HNF4G: variants seen among roughly 807,000 people sequenced by gnomAD.
HNF4G encodes the protein hepatocyte nuclear factor 4-gamma.
In HNF4G, 21 loss-of-function variants were observed where a neutral mutation model predicts 50.9. That is an observed-to-expected ratio of 0.41 (90% CI 0.29 to 0.59). HNF4G has a LOEUF of 0.59. HNF4G is among the 20% of genes least tolerant of loss of function. The pLI, the probability that HNF4G is intolerant of heterozygous loss-of-function variation, is 0.26. For missense variants in HNF4G, 527 were observed against 559.4 expected, an observed-to-expected ratio of 0.94 and a Z score of 0.58; for synonymous variants, 198 against 185.6, an observed-to-expected ratio of 1.07 and a Z score of -0.54.
intron 2 of HNF4G, among the ~76,000 whole-genome samples, chr8:75,494,061 A>G (rs951554762): frequency 2.6e-5 from 4 of 152,182 alleles, no homozygotes; most frequent in African/African-American, 9.7e-5. Flanking sequence ...AGGAAAGCTG[A>G]ATGATTATAA....
intron 2 of HNF4G, among the ~76,000 whole-genome samples, chr8:75,546,777 AGGCATTT>A (rs1806792874): frequency 2.0e-5 from 3 of 152,174 alleles, no homozygotes; most frequent in South Asian, 4.1e-4. Context: ...ATCAGTTGAT[AGGCATTT>A]GGATATATCT....
chr8:75,560,497 T>A, intron 9 of HNF4G, 31 bp downstream of exon 9: 1 of 1,585,402 alleles, frequency 6.3e-7, no homozygotes. Flanking sequence ...TCAACCAAGA[T>A]ATTTCTTAAT....
intron 1 of HNF4G, among the ~76,000 whole-genome samples, chr8:75,454,956 AAC>A (rs1186917179): frequency 6.6e-6 from 1 of 152,192 alleles, no homozygotes; most frequent in African/African-American, 2.4e-5. Flanking sequence ...ACTATATAGA[AAC>A]ACACGTATAT....
intron 3 of HNF4G, 114 bp downstream of exon 3, chr8:75,547,795 A>G (rs1407595238): frequency 1.5e-6 from 1 of 682,120 alleles, no homozygotes; most frequent in East Asian, 2.6e-5. Context: ...CCTCAATATA[A>G]TAAGGAGGAA....
intron 1 of HNF4G, among the ~76,000 whole-genome samples, chr8:75,467,418 T>C (rs1812012367): frequency 6.6e-6 from 1 of 152,086 alleles, no homozygotes; most frequent in African/African-American, 2.4e-5. Context: ...TCCCAACACT[T>C]TGGGAGGCTG....
At chr8:75,485,743 A>G (rs1347233854) in intron 1 of HNF4G, 5 of 152,170 alleles carry the variant, frequency 3.3e-5, no homozygotes, top group Admixed American at 2.0e-4. Context: ...ATCTATCTCT[A>G]TAGATTTCCT....
chr8:75,539,355 C>T (rs1806548711), upstream of HNF4G, among the ~76,000 whole-genome samples: 1 of 152,106 alleles, frequency 6.6e-6, no homozygotes, highest in African/African-American at 2.4e-5. Context: ...AAGGGTTACG[C>T]CTAGGGGGCT....
intron 3 of HNF4G, among the ~76,000 whole-genome samples, chr8:75,550,640 C>T (rs1454769343): frequency 2.0e-5 from 3 of 151,786 alleles, no homozygotes; most frequent in African/African-American, 2.4e-5. Flanking sequence ...TTTTCCCTGT[C>T]ACTCTTCCTT....
chr8:75,465,822 C>T (rs898753634), intron 1 of HNF4G, among the ~76,000 whole-genome samples: 3 of 152,088 alleles, frequency 2.0e-5, no homozygotes, highest in African/African-American at 7.2e-5. Flanking sequence ...ATTGAACTTT[C>T]TTGACTAACT....
intron 1 of HNF4G, among the ~76,000 whole-genome samples, chr8:75,478,786 T>C (rs900851372): frequency 8.5e-5 from 13 of 152,180 alleles, no homozygotes; most frequent in African/African-American, 3.1e-4. Context: ...TCGCGCGATC[T>C]GATCTTTGCT....
At position 75,543,868 on chromosome 8, in the gene HNF4G, G is replaced by T; in HGVS notation, c.176G>T (p.Cys59Phe). Residue 59 changes from cysteine (C) to phenylalanine (F), a missense_variant, in exon 2 of 10, where the codon TGT becomes TTT. Physicochemically the swap from Cys to Phe is radical, Grantham distance 205. Coordinates refer to ENST00000396423, the MANE Select transcript of HNF4G (RefSeq NM_004133.5). ...NTTDNGVNCL[C>F]AICGDRATGK... The stretch of plus-strand genomic sequence containing the variant: ...ACAGACAACGGTGTCAACTGTCTGT[G>T]TGCTATCTGTGGGGACAGAGCAACA... 6.2e-7 allele frequency: 1 copy of T among 1,613,828 alleles called. No individual in the cohort carries two copies. Among genetic ancestry groups the T allele is most frequent in the Non-Finnish European group, 8.5e-7 (1 of 1,179,798 alleles).
chr8:75,417,814 A>C (rs770446387), intron 1 of HNF4G, among the ~76,000 whole-genome samples: 8 of 152,202 alleles, frequency 5.3e-5, no homozygotes, highest in Non-Finnish European at 1.0e-4. Context: ...TGAAATTTTA[A>C]TTGAAACTAA....
intron 2 of HNF4G, among the ~76,000 whole-genome samples, chr8:75,531,133 A>G (rs1806315852): frequency 6.6e-6 from 1 of 152,114 alleles, no homozygotes; most frequent in Non-Finnish European, 1.5e-5. Context: ...AATCGTTACA[A>G]GAACCCTTTG....
chr8:75,514,161 T>C (rs1005291049), intron 2 of HNF4G, among the ~76,000 whole-genome samples: 2 of 151,976 alleles, frequency 1.3e-5, no homozygotes, highest in African/African-American at 2.4e-5. Context: ...TGAGTAGTTT[T>C]ACTTTCCATT....
chr8:75,479,349 T>A (rs16939078), intron 1 of HNF4G, among the ~76,000 whole-genome samples: 54,113 of 152,070 alleles, frequency 0.36, 10,865 homozygotes, highest in African/African-American at 0.56. Context: ...GATAATACGA[T>A]TTTCAAATAC....
At chr8:75,547,748 A>C in intron 3 of HNF4G, 67 bp downstream of exon 3, 6 of 954,930 alleles carry the variant, frequency 6.3e-6, no homozygotes, top group Non-Finnish European at 1.0e-5. Flanking sequence ...ACACATTCTC[A>C]TTGATTAGTA....
chr8:75,441,182 T>G (rs1811272729), intron 1 of HNF4G, among the ~76,000 whole-genome samples: 1 of 152,168 alleles, frequency 6.6e-6, no homozygotes, highest in Non-Finnish European at 1.5e-5. Flanking sequence ...CTAAGAATAC[T>G]TAACATGAGA....
chr8:75,486,727 G>C lies in HNF4G; in HGVS notation c.-143-3362G>C, dbSNP rs530079357. Among the ~76,000 whole-genome samples, 6 of 152,328 alleles carry C rather than the reference G, an allele frequency of 3.9e-5. No individual in the cohort carries two copies. In the South Asian group the frequency reaches 1.2e-3, roughly 32 times the overall value. ...AGTGAATTTAAAAACTGAGTAGCCAGGCATGGTGGCTCATGCCTGTAATCC... is the reference window on the plus strand; with the variant it reads ...AGTGAATTTAAAAACTGAGTAGCCACGCATGGTGGCTCATGCCTGTAATCC... On this transcript the variant is annotated intron_variant, in intron 1 of 10. Coordinates refer to the HNF4G transcript ENST00000354370.
intron 9 of HNF4G, among the ~76,000 whole-genome samples, chr8:75,563,190 G>A (rs1399588391): frequency 6.6e-6 from 1 of 152,052 alleles, no homozygotes; most frequent in Non-Finnish European, 1.5e-5. Flanking sequence ...ATAAGCGTGA[G>A]TACTAAAATA....
Sources: gnomAD v4.1 joint callset for allele counts (sites outside exome capture counted in the v4.1 genomes callset) on GRCh38, gnomAD v4.1.1 for gene constraint, MANE v1.5 for transcripts, NCBI Gene and HGNC (gene_info 2026-07-23, HGNC 2026-07-21) for gene names.